The following FAM135B variants were observed in gnomAD, a reference collection of about 807,000 sequenced individuals.
The protein encoded by FAM135B is protein FAM135B.
A neutral mutation model predicts 127.7 loss-of-function variants in FAM135B; 43 were observed. The observed-to-expected ratio is 0.34, with a 90% CI of 0.26 to 0.43. The LOEUF (loss-of-function observed/expected upper bound fraction) is 0.43, where lower values mean the gene tolerates loss of function less well. Among genes scored for constraint, FAM135B ranks in the 20% least tolerant of loss-of-function variants. The pLI is 1.00. For synonymous variants in FAM135B, 670 were observed against 665.1 expected (o/e 1.01, Z -0.11); for missense variants, 1,558 against 1,725.6 (o/e 0.90, Z 1.72).
intron 12 of FAM135B, among the ~76,000 whole-genome samples, chr8:138,165,611 C>T (rs565170168): frequency 1.3e-5 from 2 of 152,246 alleles, no homozygotes; most frequent in African/African-American, 4.8e-5. Flanking sequence ...TAAATTTCTT[C>T]TCCAACAGTT....
rs1818247757 is a variant in FAM135B at position 138,152,359 on chromosome 8, C to G, written c.2116G>C (p.Glu706Gln). The G allele has an allele frequency of 5.0e-6, 8 of 1,614,174 alleles. No individual in the cohort carries two copies. The highest frequency in any genetic ancestry group is 6.8e-6 in the Non-Finnish European group (8 of 1,180,022). ...AWSEARSRAL[E>Q]LPSDREVLHP... The stretch of plus-strand genomic sequence containing the variant: ...AAGACTTCCCGATCACTGGGCAACT[C>G]CAGAGCCCTGCTTCGGGCCTCTGAC... Residue 706 changes from glutamate (E) to glutamine (Q), a missense_variant, in exon 13 of 20, where the codon GAG (glutamate) becomes CAG (glutamine). By Grantham distance (29) the Glu-to-Gln change is conservative. Coordinates refer to ENST00000395297, the MANE Select transcript of FAM135B (RefSeq NM_015912.4).
chr8:138,399,350 C>T (rs549931305), intron 1 of FAM135B, among the ~76,000 whole-genome samples: 4 of 152,284 alleles, frequency 2.6e-5, no homozygotes, highest in South Asian at 2.1e-4. Context: ...TCCAGCTATT[C>T]AGCAGAGCAG....
Position 138,141,598 on chromosome 8 carries a change from C to A in FAM135B, c.3639-249G>T, listed in dbSNP as rs1221245696. 6.6e-6 allele frequency among the ~76,000 whole-genome samples: 1 copy of A among 152,208 alleles called. No homozygotes were observed. The highest frequency in any genetic ancestry group is 6.5e-5 in the Admixed American group (1 of 15,292). ...AGGGGAGAAGTGTGGGCATTTCAGC[C>A]AGCTTCATGCTGCTAGAGCAGCCTG... On this transcript the variant is annotated intron_variant, in intron 16 of 19. Coordinates refer to ENST00000395297, the MANE Select transcript of FAM135B (RefSeq NM_015912.4). This position sits in a 1 kb window ranked among gnomAD's most constrained non-coding sequence, Gnocchi z 4.7.
chr8:138,227,832 G>A (rs1819590407), intron 7 of FAM135B, among the ~76,000 whole-genome samples: 1 of 147,626 alleles, frequency 6.8e-6, no homozygotes, highest in Non-Finnish European at 1.5e-5. Context: ...AGTATTGTTA[G>A]CTCTAGGCAT....
At chr8:138,347,219 T>C (rs1304092385) in intron 2 of FAM135B, among the ~76,000 whole-genome samples, 1 of 152,202 alleles carries the variant, frequency 6.6e-6, no homozygotes, top group Non-Finnish European at 1.5e-5. Context: ...AATGTCTCAG[T>C]AACATCATGT....
chr8:138,230,248 A>C (rs1407773666), intron 7 of FAM135B, among the ~76,000 whole-genome samples: 1 of 152,164 alleles, frequency 6.6e-6, no homozygotes, highest in African/African-American at 2.4e-5. Context: ...TAGAGTAACC[A>C]CATTCAAGGG....
chr8:138,384,928 T>C (rs1268415729), intron 1 of FAM135B, among the ~76,000 whole-genome samples: 2 of 152,122 alleles, frequency 1.3e-5, no homozygotes, highest in Non-Finnish European at 2.9e-5. Context: ...CCTCCAATCA[T>C]GTCATCCTCC....
intron 1 of FAM135B, among the ~76,000 whole-genome samples, chr8:138,443,747 G>T (rs1450384696): frequency 1.3e-5 from 2 of 152,030 alleles, no homozygotes; most frequent in African/African-American, 4.8e-5. Context: ...CAGGTAAGAC[G>T]CAGGTTATAT....
intron 7 of FAM135B, among the ~76,000 whole-genome samples, chr8:138,218,570 T>C (rs1818752948): frequency 6.6e-6 from 1 of 152,168 alleles, no homozygotes; most frequent in Admixed American, 6.5e-5. Context: ...TTAGAAATGT[T>C]CATGGATGTT....
intron 12 of FAM135B, among the ~76,000 whole-genome samples, chr8:138,164,297 T>A (rs896704529): frequency 6.6e-6 from 1 of 152,034 alleles, no homozygotes; most frequent in Admixed American, 6.6e-5. Flanking sequence ...CAGAGGTCCA[T>A]GGAGAGAAGC....
intron 2 of FAM135B, among the ~76,000 whole-genome samples, chr8:138,319,826 G>C (rs1409322334): frequency 6.6e-6 from 1 of 152,184 alleles, no homozygotes; most frequent in South Asian, 2.1e-4. Context: ...CTGTTAATCA[G>C]CTGGCCTTGA....
intron 9 of FAM135B, among the ~76,000 whole-genome samples, chr8:138,192,330 CA>C (rs1164323494): frequency 1.3e-5 from 2 of 152,170 alleles, no homozygotes; most frequent in Admixed American, 1.3e-4. Flanking sequence ...ACTTGCTTTA[CA>C]GTTTGAAACA....
At chr8:138,408,345 A>G (rs574834826) in intron 1 of FAM135B, among the ~76,000 whole-genome samples, 30 of 152,262 alleles carry the variant, frequency 2.0e-4, no homozygotes, top group Non-Finnish European at 3.5e-4. Flanking sequence ...TGCAGCTTCT[A>G]TATCAGTACT....
At chr8:138,408,127 A>G (rs1833634606) in intron 1 of FAM135B, among the ~76,000 whole-genome samples, 1 of 152,226 alleles carries the variant, frequency 6.6e-6, no homozygotes, top group Admixed American at 6.5e-5. Flanking sequence ...ACTTAAAGTC[A>G]TCAGCTGCAA....
At chr8:138,348,838 A>G (rs1193676504) in intron 2 of FAM135B, among the ~76,000 whole-genome samples, 1 of 152,232 alleles carries the variant, frequency 6.6e-6, no homozygotes, top group Non-Finnish European at 1.5e-5. Flanking sequence ...TACTTCTTTT[A>G]GGACATGGTT....
At chr8:138,387,966 C>T (rs966475437) in intron 1 of FAM135B, among the ~76,000 whole-genome samples, 4 of 152,120 alleles carry the variant, frequency 2.6e-5, no homozygotes, top group African/African-American at 7.2e-5. Context: ...AATTAAAGTT[C>T]TCCTAAGAGG....
chr8:138,183,680 T>C (rs1258982024), intron 9 of FAM135B, among the ~76,000 whole-genome samples: 1 of 152,196 alleles, frequency 6.6e-6, no homozygotes, highest in African/African-American at 2.4e-5. Flanking sequence ...AGCATAGCAA[T>C]AGTTCTGCAA....
intron 2 of FAM135B, among the ~76,000 whole-genome samples, chr8:138,326,817 G>T (rs1005555544): frequency 2.0e-5 from 3 of 152,014 alleles, no homozygotes; most frequent in Non-Finnish European, 4.4e-5. Flanking sequence ...TTTTTTATGG[G>T]GAAGAAATGA....
At chr8:138,364,301 C>T (rs972333104) in intron 2 of FAM135B, among the ~76,000 whole-genome samples, 1 of 152,182 alleles carries the variant, frequency 6.6e-6, no homozygotes, top group African/African-American at 2.4e-5. Flanking sequence ...CATGCCCAGT[C>T]TGTCCACAGC....
Sources: allele counts gnomAD v4.1 joint callset (sites outside exome capture counted in the v4.1 genomes callset), GRCh38; gene constraint gnomAD v4.1.1; non-coding constraint Gnocchi (gnomAD v3.1); transcripts MANE v1.5; gene names NCBI Gene and HGNC (gene_info 2026-07-23, HGNC 2026-07-21).